Variants in HACE1 observed in about 807,000 individuals in gnomAD.
HACE1 encodes the protein HECT domain and ankyrin repeat containing E3 ubiquitin protein ligase 1.
HACE1 carries 73 observed loss-of-function variants against 118.4 expected under a neutral mutation model. The ratio of observed to expected loss-of-function variants is 0.62; its 90% confidence interval spans 0.51 to 0.75. The LOEUF (loss-of-function observed/expected upper bound fraction) is 0.75, where lower values mean the gene tolerates loss of function less well. HACE1 is among the 30% of genes least tolerant of loss of function. The pLI is 0.00. For missense variants in HACE1, 749 were observed against 1,102.2 expected, an observed-to-expected ratio of 0.68 and a Z score of 4.54; for synonymous variants, 368 against 374.8, an observed-to-expected ratio of 0.98 and a Z score of 0.21.
chr6:104,810,892 C>T (rs1238834719), intron 7 of HACE1, among the ~76,000 whole-genome samples: 1 of 151,996 alleles, frequency 6.6e-6, no homozygotes, highest in Non-Finnish European at 1.5e-5. Flanking sequence ...ATTCCAACAG[C>T]TTATCCCACT....
In HACE1 at chr6:104,796,650, A is replaced by C; in HGVS notation, c.816+5T>G. Reference sequence around the variant, plus strand: ...ATTTACAAGCTACTATCACAAATACAATACCATGTTTTCTCGGAGGTCTTC... The same window carrying C: ...ATTTACAAGCTACTATCACAAATACCATACCATGTTTTCTCGGAGGTCTTC... On this transcript the variant is annotated splice_donor_5th_base_variant and intron_variant, in intron 9 of 23. Transcript: ENST00000262903. The C allele has an allele frequency of 1.5e-6, 2 of 1,324,454 alleles. No homozygotes were observed. The highest frequency in any genetic ancestry group is 2.2e-6 in the Non-Finnish European group (2 of 918,078). The allele number at this position is 1,324,454 out of a possible 1,614,324, so 82.0% of individuals were successfully genotyped here.
chr6:104,808,891 TCA>T (rs1048131433), intron 7 of HACE1, among the ~76,000 whole-genome samples: 4 of 152,192 alleles, frequency 2.6e-5, no homozygotes, highest in African/African-American at 7.2e-5. Context: ...TCACATTTCA[TCA>T]CAGACTTGCT....
chr6:104,858,460 G>A lies in HACE1; in HGVS notation c.76+1107C>T, dbSNP rs146792589. 76 of 384,604 alleles carry A rather than the reference G, an allele frequency of 2.0e-4. No individual in the cohort carries two copies. In the Admixed American group the frequency reaches 2.2e-3, roughly 11 times the overall value. 23.8% of individuals were successfully genotyped at this position (384,604 alleles called of 1,614,324 possible). ...TCACATCTGTAATCCCAACACTTTG[G>A]GGGGAGCAGGGTGCGGATCACTTGA... is the stretch of plus-strand genomic sequence containing the variant. On this transcript the variant is annotated intron_variant, in intron 1 of 23. Transcript: ENST00000262903.
intron 19 of HACE1, 132 bp from the exon 20 acceptor site, chr6:104,750,604 ATCAGCAAGCCAC>A: frequency 1.2e-6 from 1 of 837,350 alleles, no homozygotes; most frequent in East Asian, 2.8e-5. Context: ...ATCTCAGCAA[ATCAGCAAGCCAC>A]TATTCACTAA....
intron 6 of HACE1, among the ~76,000 whole-genome samples, chr6:104,827,301 A>G (rs1030536177): frequency 6.6e-6 from 1 of 152,196 alleles, no homozygotes; most frequent in Non-Finnish European, 1.5e-5. Flanking sequence ...GAGACCAAAC[A>G]ACAAAAAAAG....
At chr6:104,792,654 C>T (rs80161414) in intron 10 of HACE1, among the ~76,000 whole-genome samples, 3 of 150,124 alleles carry the variant, frequency 2.0e-5, no homozygotes, top group Non-Finnish European at 2.9e-5. Flanking sequence ...ACTCAGTATA[C>T]CACTGGAGGC....
At chr6:104,789,731 A>G (rs530077279) in intron 11 of HACE1, among the ~76,000 whole-genome samples, 2 of 152,316 alleles carry the variant, frequency 1.3e-5, no homozygotes, top group Non-Finnish European at 2.9e-5. Context: ...CCCAATTTGA[A>G]TAATATTGAC....
chr6:104,729,732 C>T lies in HACE1; in HGVS notation c.2660G>A (p.Ser887Asn). 6.4e-7 allele frequency: 1 copy of T among 1,566,154 alleles called. No individual in the cohort carries two copies. Among genetic ancestry groups the T allele is most frequent in the Non-Finnish European group, 8.8e-7 (1 of 1,136,834 alleles). Reference sequence around the variant, plus strand: ...AAGTCTGTCCTTGAGTATTTCTTTACTTGGGTATTCAGGTAACTTGAGCAT... The same window carrying T: ...AAGTCTGTCCTTGAGTATTTCTTTATTTGGGTATTCAGGTAACTTGAGCAT... Reference protein sequence around the residue: ...INMLKLPEYPSKEILKDRLLV... With the variant: ...INMLKLPEYPNKEILKDRLLV... The change falls in exon 24 of 24, where the codon AGT becomes AAT. Residue 887 changes from serine (S) to asparagine (N), a missense_variant. Coordinates refer to ENST00000262903, the MANE Select transcript of HACE1 (RefSeq NM_020771.4).
chr6:104,736,746 A>G (rs961572888), intron 22 of HACE1, among the ~76,000 whole-genome samples: 22 of 152,318 alleles, frequency 1.4e-4, no homozygotes, highest in African/African-American at 5.3e-4. Flanking sequence ...TGGCAGTAAC[A>G]AACTGCAAGA....
intron 6 of HACE1, among the ~76,000 whole-genome samples, chr6:104,830,899 G>A (rs1027227503): frequency 1.6e-4 from 24 of 151,450 alleles, no homozygotes; most frequent in African/African-American, 5.6e-4. Context: ...GGCATCCTGA[G>A]AGGTCACCAT....
chr6:104,828,552 T>C (rs1367790572), intron 6 of HACE1, among the ~76,000 whole-genome samples: 2 of 151,848 alleles, frequency 1.3e-5, no homozygotes, highest in African/African-American at 4.8e-5. Context: ...AAAAATAAAA[T>C]TATTAAGAAG....
intron 22 of HACE1, among the ~76,000 whole-genome samples, 156 bp downstream of exon 22, chr6:104,744,004 A>G (rs1158058870): frequency 6.6e-6 from 1 of 152,140 alleles, no homozygotes; most frequent in African/African-American, 2.4e-5. Flanking sequence ...CTTATCTTTA[A>G]TACCAAAATA....
chr6:104,785,246 CTT>C lies in HACE1; in HGVS notation c.1146_1147del (p.Asp384LeufsTer25). ...AATAGAAGTGATCTCTGTTGAGTCT[CTT>C]TTGTTTTTCATCAATTCTGTGGCTA... On this transcript the variant is annotated frameshift_variant, in exon 12 of 24. Transcript: ENST00000262903. LOFTEE classifies it high-confidence loss of function. 6.2e-7 allele frequency: 1 copy of C among 1,612,870 alleles called. No individual in the cohort carries two copies. The highest frequency in any genetic ancestry group is 8.5e-7 in the Non-Finnish European group (1 of 1,179,014).
chr6:104,803,409 A>C (rs2114923453), intron 7 of HACE1, among the ~76,000 whole-genome samples: 1 of 152,266 alleles, frequency 6.6e-6, no homozygotes, highest in East Asian at 1.9e-4. Flanking sequence ...GAGACACAAC[A>C]AAAAAAGAGA....
Position 104,859,433 on chromosome 6 carries a change from A to G in HACE1, c.76+134T>C. 3 of 714,928 alleles carry G rather than the reference A, an allele frequency of 4.2e-6. No individual in the cohort carries two copies. The South Asian group carries it at 5.7e-5, about 14-fold the overall frequency. The allele number at this position is 714,928 out of a possible 1,614,324, so 44.3% of individuals were successfully genotyped here. A position where few individuals can be genotyped will look rare whatever the true frequency, so the allele number is the denominator to read the frequency against. Reference sequence around the variant, plus strand: ...AGTTCGGGGCCCGGGGCCGCCTCTCAGCTCTGGAAAGTAAAAGTGGGCGTT... The same window carrying G: ...AGTTCGGGGCCCGGGGCCGCCTCTCGGCTCTGGAAAGTAAAAGTGGGCGTT... On this transcript the variant is annotated intron_variant, in intron 1 of 23. Coordinates refer to ENST00000262903, the MANE Select transcript of HACE1 (RefSeq NM_020771.4).
At chr6:104,802,001 A>G (rs923525871) in intron 7 of HACE1, among the ~76,000 whole-genome samples, 5 of 150,404 alleles carry the variant, frequency 3.3e-5, no homozygotes, top group South Asian at 2.2e-4. Flanking sequence ...AAATAAAGGG[A>G]TAGAGGAAGA....
chr6:104,733,176 GAAAAT>G (rs1775398577), intron 22 of HACE1, among the ~76,000 whole-genome samples: 1 of 152,160 alleles, frequency 6.6e-6, no homozygotes, highest in Non-Finnish European at 1.5e-5. Context: ...GGCAAGATGA[GAAAAT>G]AAATGTTGAC....
chr6:104,851,025 G>T, intron 2 of HACE1, 29 bp from the exon 3 acceptor site: 1 of 1,351,164 alleles, frequency 7.4e-7, no homozygotes, highest in Non-Finnish European at 1.1e-6. Flanking sequence ...GAGGAATCAA[G>T]TGTAAAAAAA....
At chr6:104,857,190 CATATATATTTACAT>C (rs1397968360) in intron 1 of HACE1, among the ~76,000 whole-genome samples, 17 of 143,986 alleles carry the variant, frequency 1.2e-4, no homozygotes, top group Admixed American at 2.8e-4. Context: ...TATATATTTA[CATATATATTTACAT>C]ATATATATAT....
Sources: allele counts gnomAD v4.1 joint callset (sites outside exome capture counted in the v4.1 genomes callset), GRCh38; gene constraint gnomAD v4.1.1; transcripts MANE v1.5; gene names NCBI Gene and HGNC (gene_info 2026-07-23, HGNC 2026-07-21).